Variants in PLA2G4A observed in about 807,000 individuals in gnomAD.
PLA2G4A encodes the protein phospholipase A2 group IVA.
Under a neutral mutation model 81.9 loss-of-function variants are expected in PLA2G4A, and 40 were observed. That is an observed-to-expected ratio of 0.49 (90% CI 0.38 to 0.64). The LOEUF (loss-of-function observed/expected upper bound fraction) is 0.64. PLA2G4A is among the 30% of genes least tolerant of loss of function. PLA2G4A has a pLI of 0.00. For missense variants in PLA2G4A, 715 were observed against 905.1 expected (o/e 0.79, Z 2.69); for synonymous variants, 302 against 296.9 (o/e 1.02, Z -0.18).
intron 3 of PLA2G4A, among the ~76,000 whole-genome samples, chr1:186,878,069 G>C (rs982068371): frequency 7.0e-6 from 1 of 143,122 alleles, no homozygotes; most frequent in African/African-American, 2.6e-5. Context: ...TCTATACTTT[G>C]GCTAAAGTAT....
At chr1:186,959,731 T>C (rs1039189988) in intron 14 of PLA2G4A, among the ~76,000 whole-genome samples, 59 of 152,172 alleles carry the variant, frequency 3.9e-4, no homozygotes, top group African/African-American at 1.4e-3. Flanking sequence ...AGAATAATCA[T>C]ATGTTTGGAA....
intron 14 of PLA2G4A, among the ~76,000 whole-genome samples, chr1:186,959,437 G>A (rs749987819): frequency 6.6e-5 from 10 of 152,020 alleles, no homozygotes; most frequent in African/African-American, 9.7e-5. Context: ...AATTAATGAC[G>A]TTTGGAAAGA....
rs188720585 is a variant in PLA2G4A, at chr1:186,983,704, C to T, written c.2118+4232C>T. Among the ~76,000 whole-genome samples, 210 of 148,842 alleles carry T rather than the reference C, an allele frequency of 1.4e-3. 1 individual carries two copies. The highest frequency in any genetic ancestry group is 2.2e-3 in the Non-Finnish European group (149 of 67,120). On this transcript the variant is annotated intron_variant, in intron 17 of 17. Coordinates refer to ENST00000367466, the MANE Select transcript of PLA2G4A (RefSeq NM_024420.3). ...TTACAGTAGTATTTCAATTTTTTTTCCTTCAAAAACTTAACGTATAGTGAC... is the reference window on the plus strand; with the variant it reads ...TTACAGTAGTATTTCAATTTTTTTTTCTTCAAAAACTTAACGTATAGTGAC...
chr1:186,922,159 A>G (rs1166605124), intron 7 of PLA2G4A, among the ~76,000 whole-genome samples: 1 of 152,140 alleles, frequency 6.6e-6, no homozygotes, highest in East Asian at 1.9e-4. Context: ...TGCTCACACC[A>G]CACACACATC....
rs78886922 is a variant in PLA2G4A, at chr1:186,914,099, T to G, written c.558+2710T>G. Among the ~76,000 whole-genome samples, 4 of 32,538 alleles carry G rather than the reference T, an allele frequency of 1.2e-4. No homozygotes were observed. In the African/African-American group the frequency reaches 1.5e-3, roughly 12 times the overall value. 21.3% of individuals were successfully genotyped at this position (32,538 alleles called of 152,430 possible). A position where few individuals can be genotyped will look rare whatever the true frequency, so the allele number is the denominator to read the frequency against. ...TTTGTTTTGTTTTGTTTTTTTGTGT[T>G]TTTTTTTTGAGACAGGGTTTTGCTT... is the stretch of plus-strand genomic sequence containing the variant. On this transcript the variant is annotated intron_variant, in intron 7 of 17. Coordinates refer to ENST00000367466, the MANE Select transcript of PLA2G4A (RefSeq NM_024420.3).
At chr1:186,872,798 A>G (rs1376540468) in intron 3 of PLA2G4A, among the ~76,000 whole-genome samples, 2 of 152,154 alleles carry the variant, frequency 1.3e-5, no homozygotes, top group African/African-American at 2.4e-5. Context: ...GATATTAATT[A>G]ATCTCCTGGG....
At chr1:186,901,088 G>T (rs6695425) in intron 5 of PLA2G4A, among the ~76,000 whole-genome samples, 38 of 152,158 alleles carry the variant, frequency 2.5e-4, no homozygotes, top group East Asian at 1.3e-3. Flanking sequence ...AAAACAAAGA[G>T]GGCAATTTAC....
chr1:186,907,862 A>G (rs561892322), intron 6 of PLA2G4A, among the ~76,000 whole-genome samples: 10 of 152,228 alleles, frequency 6.6e-5, no homozygotes, highest in Non-Finnish European at 1.2e-4. Context: ...ATATCAAAGG[A>G]TAGTCCAAGT....
In PLA2G4A at chr1:186,911,254, C is replaced by T. The variant is rs929214833; in HGVS notation, c.423C>T (p.Cys141=). The T allele has an allele frequency of 1.2e-6, 2 of 1,612,836 alleles. No homozygotes were observed. Among genetic ancestry groups the T allele is most frequent in the Non-Finnish European group, 1.7e-6 (2 of 1,179,020 alleles). ...TATCTGTTTGGTATTACAGCTCATG[C>T]CCAGACCTACGATTTAGTATGGCTC... The part of the protein sequence containing the change: ...VLEMSLEVCS[C]PDLRFSMALC... Residue 141 remains cysteine (C), a synonymous_variant, in exon 7 of 18, where the codon TGC becomes TGT. Transcript: ENST00000367466.
intron 3 of PLA2G4A, among the ~76,000 whole-genome samples, chr1:186,882,697 G>A (rs568052193): frequency 2.0e-5 from 3 of 152,008 alleles, no homozygotes; most frequent in African/African-American, 4.8e-5. Flanking sequence ...TGTTTCAGAA[G>A]GATAGTTGTG....
chr1:186,831,772 A>G (rs746170483), intron 1 of PLA2G4A, among the ~76,000 whole-genome samples: 1 of 152,052 alleles, frequency 6.6e-6, no homozygotes, highest in Admixed American at 6.6e-5. Flanking sequence ...CAATCAACAA[A>G]TATCTATTGA....
intron 17 of PLA2G4A, among the ~76,000 whole-genome samples, chr1:186,980,821 C>A (rs1657697011): frequency 6.6e-6 from 1 of 152,128 alleles, no homozygotes; most frequent in Non-Finnish European, 1.5e-5. Context: ...TTGATTCTTA[C>A]AACTCTAAAA....
In PLA2G4A at chr1:186,956,123, G is replaced by T. The variant is rs1250925256; in HGVS notation, c.1358G>T (p.Gly453Val). Residue 453 changes from glycine to valine, a missense_variant, in exon 14 of 18, where the codon GGA (glycine) becomes GTA (valine). By Grantham distance (109) the Gly-to-Val change is moderately radical. Coordinates refer to ENST00000367466, the MANE Select transcript of PLA2G4A (RefSeq NM_024420.3). ...EPKGTENEDAGSDYQSDNQAS... is the reference protein window; with the variant it reads ...EPKGTENEDAVSDYQSDNQAS... The stretch of plus-strand genomic sequence containing the variant: ...CTAGGCACTGAAAATGAAGATGCTG[G>T]AAGTGACTATCAAAGTGATAATCAA... 1 of 1,613,082 alleles carries T rather than the reference G, an allele frequency of 6.2e-7. No individual in the cohort carries two copies. The highest frequency in any genetic ancestry group is 8.5e-7 in the Non-Finnish European group (1 of 1,179,220).
intron 3 of PLA2G4A, among the ~76,000 whole-genome samples, chr1:186,879,780 A>G (rs1653656345): frequency 6.6e-6 from 1 of 151,144 alleles, no homozygotes; most frequent in African/African-American, 2.4e-5. Flanking sequence ...ACTTTGAGAT[A>G]TGTACTGTCT....
intron 5 of PLA2G4A, among the ~76,000 whole-genome samples, chr1:186,895,278 A>G (rs984608093): frequency 3.3e-5 from 5 of 152,180 alleles, no homozygotes; most frequent in Non-Finnish European, 2.9e-5. Flanking sequence ...TTAGAAACCA[A>G]CTTAGCCCAA....
chr1:186,924,537 A>G (rs568023420), intron 7 of PLA2G4A, among the ~76,000 whole-genome samples: 8 of 152,176 alleles, frequency 5.3e-5, no homozygotes, highest in African/African-American at 1.9e-4. Flanking sequence ...TAATTCCTCA[A>G]GTCATAGTCC....
At chr1:186,889,134 T>C (rs1654042556) in intron 3 of PLA2G4A, among the ~76,000 whole-genome samples, 1 of 152,218 alleles carries the variant, frequency 6.6e-6, no homozygotes. Flanking sequence ...TCTTCTTCTT[T>C]GGCCCATTTC....
intron 1 of PLA2G4A, among the ~76,000 whole-genome samples, chr1:186,836,293 A>G (rs1158685672): frequency 1.3e-5 from 2 of 151,008 alleles, no homozygotes; most frequent in Non-Finnish European, 3.0e-5. Flanking sequence ...CATATAATAT[A>G]CCTTAATAAT....
intron 5 of PLA2G4A, among the ~76,000 whole-genome samples, chr1:186,897,664 A>G (rs1654381221): frequency 6.6e-6 from 1 of 151,966 alleles, no homozygotes; most frequent in Non-Finnish European, 1.5e-5. Flanking sequence ...ACGTGCCATC[A>G]TGCCTGGCCA....
Sources: allele counts gnomAD v4.1 joint callset (sites outside exome capture counted in the v4.1 genomes callset), GRCh38; gene constraint gnomAD v4.1.1; transcripts MANE v1.5; gene names NCBI Gene and HGNC (gene_info 2026-07-23, HGNC 2026-07-21).